The following DTNBP1 variants were observed in gnomAD, a reference collection of about 807,000 sequenced individuals.
DTNBP1 encodes dystrobrevin binding protein 1.
DTNBP1 carries 35 observed loss-of-function variants against 42.8 expected under a neutral mutation model. That is an observed-to-expected ratio of 0.82 (90% CI 0.63 to 1.09). The LOEUF (loss-of-function observed/expected upper bound fraction) is 1.09, where lower values mean the gene tolerates loss of function less well. DTNBP1 is among the 50% of genes least tolerant of loss of function. The pLI, the probability that DTNBP1 is intolerant of heterozygous loss-of-function variation, is 0.00. For synonymous variants in DTNBP1, 171 were observed against 162.2 expected (o/e 1.05, Z -0.41); for missense variants, 457 against 424.2 (o/e 1.08, Z -0.68).
chr6:15,617,186 C>A (rs1278991608), intron 5 of DTNBP1, among the ~76,000 whole-genome samples: 1 of 151,872 alleles, frequency 6.6e-6, no homozygotes, highest in East Asian at 1.9e-4. Flanking sequence ...AAGATCTCTA[C>A]AAGACAAAGT....
chr6:15,588,572 CCTCTTTGAAGA>C (rs1396058637), intron 7 of DTNBP1, among the ~76,000 whole-genome samples: 6 of 152,184 alleles, frequency 3.9e-5, no homozygotes, highest in Non-Finnish European at 7.3e-5. Flanking sequence ...TGCCCACATT[CCTCTTTGAAGA>C]CCACTGGCCT....
chr6:15,607,980 C>T (rs1241906410), intron 6 of DTNBP1, among the ~76,000 whole-genome samples: 2 of 152,114 alleles, frequency 1.3e-5, no homozygotes, highest in Non-Finnish European at 2.9e-5. Flanking sequence ...TCTGTTATTT[C>T]TAAATAATAT....
At chr6:15,602,885 A>C (rs1205126443) in intron 6 of DTNBP1, among the ~76,000 whole-genome samples, 2 of 152,234 alleles carry the variant, frequency 1.3e-5, no homozygotes, top group Non-Finnish European at 2.9e-5. Context: ...GGAAAGAGAT[A>C]ACGAAAAGAA....
intron 7 of DTNBP1, among the ~76,000 whole-genome samples, chr6:15,573,528 A>T (rs1775426953): frequency 6.6e-6 from 1 of 152,138 alleles, no homozygotes; most frequent in East Asian, 1.9e-4. Flanking sequence ...GCCTTTGTTT[A>T]AAAGACAAGG....
At chr6:15,627,592 C>G in intron 4 of DTNBP1, 117 bp from the exon 5 acceptor site, 1 of 1,398,698 alleles carries the variant, frequency 7.1e-7, no homozygotes, top group Non-Finnish European at 9.7e-7. Flanking sequence ...GTAGAGATTA[C>G]GGTACATTCT....
At chr6:15,543,695 T>C (rs1024816522) in intron 7 of DTNBP1, among the ~76,000 whole-genome samples, 1 of 152,234 alleles carries the variant, frequency 6.6e-6, no homozygotes, top group African/African-American at 2.4e-5. Flanking sequence ...TTACTCTCCT[T>C]GCCCCTAGTT....
At chr6:15,574,031 C>T (rs12199360) in intron 7 of DTNBP1, among the ~76,000 whole-genome samples, 22,296 of 152,152 alleles carry the variant, frequency 0.15, 1,849 homozygotes, top group East Asian at 0.3. Flanking sequence ...AAAATAAATA[C>T]AGACGGTTAA....
chr6:15,641,005 T>C (rs139961508), intron 3 of DTNBP1, among the ~76,000 whole-genome samples: 1 of 152,310 alleles, frequency 6.6e-6, no homozygotes, highest in East Asian at 1.9e-4. Context: ...CTGATCACAA[T>C]TGCTGCTTCT....
In DTNBP1 at chr6:15,619,861, T is replaced by C. The variant is rs189393341; in HGVS notation, c.356-4462A>G. The stretch of plus-strand genomic sequence containing the variant: ...TTTAAAATATACAATTAAGTTATTA[T>C]TGGCAATAGTTACCCTACTGTGCTA... On this transcript the variant is annotated intron_variant, in intron 5 of 9. Coordinates refer to ENST00000344537, the MANE Select transcript of DTNBP1 (RefSeq NM_032122.5). Among the ~76,000 whole-genome samples the C allele has an allele frequency of 3.3e-5, 5 of 152,126 alleles. No individual in the cohort carries two copies. The East Asian group carries it at 9.6e-4, about 29-fold the overall frequency.
chr6:15,626,348 A>T (rs2113735496), intron 5 of DTNBP1, among the ~76,000 whole-genome samples: 1 of 152,292 alleles, frequency 6.6e-6, no homozygotes, highest in East Asian at 1.9e-4. Flanking sequence ...CAGCAACAGC[A>T]CTCCAAATAC....
chr6:15,542,990 G>A (rs986635445), intron 7 of DTNBP1, among the ~76,000 whole-genome samples: 6 of 152,092 alleles, frequency 3.9e-5, no homozygotes, highest in Admixed American at 2.0e-4. Flanking sequence ...ATGAGACACC[G>A]TGCCCGGCCT....
intron 7 of DTNBP1, among the ~76,000 whole-genome samples, chr6:15,536,921 T>C (rs1773262562): frequency 1.3e-5 from 2 of 152,210 alleles, no homozygotes; most frequent in African/African-American, 4.8e-5. Flanking sequence ...TTTGGAGCTT[T>C]AAGATTTAAT....
chr6:15,578,561 T>C (rs558880681), intron 7 of DTNBP1, among the ~76,000 whole-genome samples: 3 of 152,320 alleles, frequency 2.0e-5, no homozygotes, highest in Admixed American at 1.3e-4. Flanking sequence ...AATTATTGCA[T>C]AGTACTAAAA....
chr6:15,554,158 T>G (rs1729689966), intron 7 of DTNBP1, among the ~76,000 whole-genome samples: 1 of 152,242 alleles, frequency 6.6e-6, no homozygotes, highest in South Asian at 2.1e-4. Flanking sequence ...TGCAAATACA[T>G]CAAGTTTCTG....
At chr6:15,524,227 G>A in intron 9 of DTNBP1, 1 of 1,547,628 alleles carries the variant, frequency 6.5e-7, no homozygotes, top group Non-Finnish European at 8.7e-7. Flanking sequence ...ACCACAAGGA[G>A]CAGACTCAAA....
intron 3 of DTNBP1, among the ~76,000 whole-genome samples, chr6:15,644,037 G>C (rs898896706): frequency 6.6e-6 from 1 of 152,076 alleles, no homozygotes; most frequent in East Asian, 1.9e-4. Context: ...ACCTTCAAGA[G>C]ACCTATCTCA....
chr6:15,660,522 C>G, intron 1 of DTNBP1: 1 of 1,289,734 alleles, frequency 7.8e-7, no homozygotes, highest in Non-Finnish European at 1.0e-6. Flanking sequence ...TGAAAGTGAC[C>G]TGTACAGGAG....
At chr6:15,578,065 G>A (rs1289085023) in intron 7 of DTNBP1, among the ~76,000 whole-genome samples, 2 of 152,232 alleles carry the variant, frequency 1.3e-5, no homozygotes, top group Admixed American at 6.5e-5. Flanking sequence ...TGATGGTGCA[G>A]AAGAGAGAGG....
chr6:15,619,280 T>C (rs1264160951), intron 5 of DTNBP1, among the ~76,000 whole-genome samples: 1 of 152,212 alleles, frequency 6.6e-6, no homozygotes, highest in Non-Finnish European at 1.5e-5. Flanking sequence ...CTTGATTTAT[T>C]ACACACTGTG....
Sources: allele counts gnomAD v4.1 joint callset (sites outside exome capture counted in the v4.1 genomes callset), GRCh38; gene constraint gnomAD v4.1.1; transcripts MANE v1.5; gene names NCBI Gene and HGNC (gene_info 2026-07-23, HGNC 2026-07-21).